Variants in TENM4 observed in about 807,000 individuals in gnomAD.
TENM4 encodes teneurin transmembrane protein 4.
A neutral mutation model predicts 243.3 loss-of-function variants in TENM4; 82 were observed. The ratio of observed to expected loss-of-function variants is 0.34; its 90% CI spans 0.28 to 0.40. The LOEUF (loss-of-function observed/expected upper bound fraction) is 0.40, where lower values mean the gene tolerates loss of function less well. Ranked by LOEUF, TENM4 falls within the 10% of genes least tolerant of loss-of-function variation. The probability of loss-of-function intolerance (pLI) is 1.00; values close to 1 mark genes in which losing one functional copy is unlikely to be tolerated. For missense variants in TENM4, 3,138 were observed against 3,673.3 expected, an observed-to-expected ratio of 0.85 and a Z score of 3.77; for synonymous variants, 1,412 against 1,456.3, an observed-to-expected ratio of 0.97 and a Z score of 0.69.
rs543613472 is a variant in TENM4 at position 78,865,964 on chromosome 11, G to A, written c.1085-2832C>T. Among the ~76,000 whole-genome samples the A allele has an allele frequency of 5.9e-5, 9 of 152,338 alleles. No homozygotes were observed. The East Asian group carries it at 1.2e-3, about 20-fold the overall frequency. ...CTGTACACATGTGTGATAACTATAC[G>A]TGATAACCATTCATTGCATTTGTAC... On this transcript the variant is annotated intron_variant, in intron 9 of 33. Transcript: ENST00000278550.
chr11:78,919,175 C>T (rs600543), intron 6 of TENM4, among the ~76,000 whole-genome samples: 148,038 of 152,328 alleles, frequency 0.97, 72,045 homozygotes, highest in Middle Eastern at 0.99. Context: ...GTGCCAGAGA[C>T]TGTGTTAAGT....
At chr11:78,858,443 C>G (rs182570588) in intron 10 of TENM4, among the ~76,000 whole-genome samples, 228 of 152,212 alleles carry the variant, frequency 1.5e-3, no homozygotes, top group Non-Finnish European at 2.6e-3. Context: ...CCAGTGGTCT[C>G]CAAATCCCAC....
chr11:78,783,211 A>T (rs1466049647), intron 16 of TENM4, among the ~76,000 whole-genome samples: 3 of 152,194 alleles, frequency 2.0e-5, no homozygotes, highest in Non-Finnish European at 4.4e-5. Flanking sequence ...TCTCAAAGGA[A>T]ATCAGAGGTC....
intron 1 of TENM4, among the ~76,000 whole-genome samples, chr11:79,307,624 G>A (rs1413966250): frequency 5.9e-5 from 9 of 152,068 alleles, no homozygotes; most frequent in Admixed American, 5.9e-4. Context: ...CTGGTGACAG[G>A]CCCCAGCATG....
At chr11:78,987,607 C>T (rs1398341304) in intron 6 of TENM4, among the ~76,000 whole-genome samples, 1 of 152,144 alleles carries the variant, frequency 6.6e-6, no homozygotes. Context: ...TGTAAGTGTA[C>T]TTTACACACT....
At chr11:78,696,161 C>T (rs1284778472) in intron 28 of TENM4, among the ~76,000 whole-genome samples, 3 of 152,000 alleles carry the variant, frequency 2.0e-5, no homozygotes, top group Non-Finnish European at 2.9e-5. Flanking sequence ...CTGTGTCCTC[C>T]AGAGAGAGCA....
At chr11:79,091,702 G>A (rs923904676) in intron 4 of TENM4, among the ~76,000 whole-genome samples, 3 of 152,106 alleles carry the variant, frequency 2.0e-5, no homozygotes, top group Non-Finnish European at 4.4e-5. Flanking sequence ...TGACACTGAG[G>A]TCTGAAAAAC....
intron 4 of TENM4, among the ~76,000 whole-genome samples, chr11:79,090,934 G>C (rs1372191223): frequency 2.0e-5 from 3 of 152,158 alleles, no homozygotes; most frequent in African/African-American, 7.2e-5. Context: ...CCTGCTGAAG[G>C]GCTGCCTCCC....
At chr11:79,188,303 G>C (rs1009074969) in intron 3 of TENM4, among the ~76,000 whole-genome samples, 3 of 152,160 alleles carry the variant, frequency 2.0e-5, no homozygotes, top group Admixed American at 6.5e-5. Context: ...TGAGGATCTG[G>C]TAAAAGCTAT....
chr11:79,041,222 C>T (rs933582804), intron 6 of TENM4, among the ~76,000 whole-genome samples: 2 of 152,200 alleles, frequency 1.3e-5, no homozygotes, highest in African/African-American at 4.8e-5. Flanking sequence ...TGCCACTGCA[C>T]CTGGCTAATT....
intron 6 of TENM4, among the ~76,000 whole-genome samples, chr11:79,021,989 C>T (rs77570340): frequency 0.02 from 3,075 of 152,156 alleles, 46 homozygotes; most frequent in East Asian, 0.062. Context: ...GATACGCAGA[C>T]AATTTGGCTC....
chr11:79,426,745 G>T (rs773138272), intron 1 of TENM4, among the ~76,000 whole-genome samples: 3 of 152,206 alleles, frequency 2.0e-5, no homozygotes, highest in Non-Finnish European at 4.4e-5. Flanking sequence ...GAGCTAGGAA[G>T]GATTGCCAGT....
intron 12 of TENM4, among the ~76,000 whole-genome samples, chr11:78,846,619 T>C (rs1434352041): frequency 6.6e-6 from 1 of 152,238 alleles, no homozygotes; most frequent in Non-Finnish European, 1.5e-5. Flanking sequence ...ACAAAGAGAC[T>C]GAACCAAGCC....
chr11:79,379,820 G>C (rs1400134116), intron 1 of TENM4, among the ~76,000 whole-genome samples: 2 of 152,168 alleles, frequency 1.3e-5, no homozygotes, highest in East Asian at 3.9e-4. Context: ...AGGGTGGTGA[G>C]GGAGAGGAAA....
At chr11:78,930,522 T>C (rs1856644677) in intron 6 of TENM4, among the ~76,000 whole-genome samples, 1 of 152,216 alleles carries the variant, frequency 6.6e-6, no homozygotes, top group South Asian at 2.1e-4. Context: ...CTGTGTATGA[T>C]CTTGACAATG....
chr11:79,309,719 G>A (rs887606548), intron 1 of TENM4, among the ~76,000 whole-genome samples: 1 of 152,310 alleles, frequency 6.6e-6, no homozygotes, highest in East Asian at 1.9e-4. Context: ...GCTGGAAGGG[G>A]CCCTCATTTG....
chr11:79,059,940 A>G (rs959342701), intron 6 of TENM4, among the ~76,000 whole-genome samples: 8 of 152,160 alleles, frequency 5.3e-5, no homozygotes, highest in African/African-American at 1.9e-4. Flanking sequence ...TGCCTGCTGC[A>G]CCTCTATTAA....
At chr11:79,280,735 C>T (rs571419760) in intron 2 of TENM4, among the ~76,000 whole-genome samples, 1 of 152,228 alleles carries the variant, frequency 6.6e-6, no homozygotes, top group East Asian at 1.9e-4. Context: ...TCATTAAGGA[C>T]ATATCTCTCC....
intron 21 of TENM4, among the ~76,000 whole-genome samples, chr11:78,731,107 G>A (rs995792915): frequency 6.6e-6 from 1 of 152,158 alleles, no homozygotes; most frequent in Non-Finnish European, 1.5e-5. Context: ...CTAACTGAAC[G>A]TGCAGGCACC....
Sources: gnomAD v4.1 joint callset for allele counts (sites outside exome capture counted in the v4.1 genomes callset) on GRCh38, gnomAD v4.1.1 for gene constraint, MANE v1.5 for transcripts, NCBI Gene and HGNC (gene_info 2026-07-23, HGNC 2026-07-21) for gene names.